Variants in ATRNL1 observed in about 807,000 individuals in gnomAD.
ATRNL1 encodes attractin like 1.
ATRNL1 carries 95 observed loss-of-function variants against 182.7 expected under a neutral mutation model. The observed-to-expected ratio is 0.52, with a 90% confidence interval of 0.44 to 0.62. ATRNL1 has a LOEUF of 0.62. Among genes scored for constraint, ATRNL1 ranks in the 20% least tolerant of loss-of-function variants. The pLI is 0.00. For synonymous variants in ATRNL1, 576 were observed against 568.3 expected (o/e 1.01, Z -0.19); for missense variants, 1,471 against 1,679.5 (o/e 0.88, Z 2.17).
At chr10:115,902,133 C>G (rs544625932) in intron 28 of ATRNL1, among the ~76,000 whole-genome samples, 1 of 152,270 alleles carries the variant, frequency 6.6e-6, no homozygotes, top group South Asian at 2.1e-4. Flanking sequence ...AATGACTTTA[C>G]ACTGTTAATT....
intron 5 of ATRNL1, among the ~76,000 whole-genome samples, chr10:115,158,055 A>G (rs905425189): frequency 3.3e-5 from 5 of 149,972 alleles, no homozygotes; most frequent in Middle Eastern, 3.4e-3. Context: ...TAGAAAAGTT[A>G]TTATACAAGA....
At chr10:115,764,993 T>C (rs1479792967) in intron 27 of ATRNL1, among the ~76,000 whole-genome samples, 6 of 152,186 alleles carry the variant, frequency 3.9e-5, no homozygotes, top group African/African-American at 1.4e-4. Flanking sequence ...TCTTTTTATG[T>C]CCTGATAGCT....
At chr10:115,495,325 A>G (rs1849490577) in intron 24 of ATRNL1, among the ~76,000 whole-genome samples, 1 of 151,590 alleles carries the variant, frequency 6.6e-6, no homozygotes, top group Admixed American at 6.6e-5. Flanking sequence ...CCTTCAGTTG[A>G]GTTCTGATTT....
chr10:115,877,692 A>G (rs1215999036), intron 28 of ATRNL1, among the ~76,000 whole-genome samples: 7 of 152,242 alleles, frequency 4.6e-5, no homozygotes, highest in African/African-American at 1.7e-4. Flanking sequence ...TAGTAAATAT[A>G]AACAGTAAGC....
At chr10:115,655,200 C>T (rs1860256092) in intron 26 of ATRNL1, among the ~76,000 whole-genome samples, 1 of 152,122 alleles carries the variant, frequency 6.6e-6, no homozygotes. Context: ...AGATTCCTGA[C>T]TCACAGTCAT....
At chr10:115,744,211 C>G (rs1555068557) in intron 27 of ATRNL1, among the ~76,000 whole-genome samples, 2 of 151,960 alleles carry the variant, frequency 1.3e-5, no homozygotes, top group Non-Finnish European at 2.9e-5. Context: ...ATGATTATGC[C>G]TATATAAATT....
chr10:115,314,781 C>A (rs1854209424), intron 17 of ATRNL1, among the ~76,000 whole-genome samples: 1 of 152,110 alleles, frequency 6.6e-6, no homozygotes, highest in Non-Finnish European at 1.5e-5. Flanking sequence ...TTTGTTGAGT[C>A]TCATAGGTTA....
At chr10:115,622,890 C>G (rs1201563398) in intron 26 of ATRNL1, among the ~76,000 whole-genome samples, 4 of 151,810 alleles carry the variant, frequency 2.6e-5, no homozygotes, top group African/African-American at 9.7e-5. Context: ...TCGCGCCACT[C>G]CACTCCAGCC....
intron 19 of ATRNL1, among the ~76,000 whole-genome samples, chr10:115,373,800 G>A (rs1408826481): frequency 1.3e-5 from 2 of 151,256 alleles, no homozygotes; most frequent in African/African-American, 4.8e-5. Context: ...TTTCATCTAT[G>A]TTTATTAGAG....
chr10:115,201,929 C>A (rs1848597820), intron 8 of ATRNL1, among the ~76,000 whole-genome samples: 1 of 152,068 alleles, frequency 6.6e-6, no homozygotes, highest in African/African-American at 2.4e-5. Context: ...TGTAGTTCTC[C>A]TTGAAGAGGT....
At chr10:115,873,124 T>C (rs148185484) in intron 28 of ATRNL1, among the ~76,000 whole-genome samples, 6 of 152,356 alleles carry the variant, frequency 3.9e-5, no homozygotes, top group African/African-American at 1.4e-4. Context: ...ATGGCTGGTT[T>C]CAGAAAGATA....
At chr10:115,217,234 A>G (rs1849269161) in intron 9 of ATRNL1, among the ~76,000 whole-genome samples, 1 of 152,106 alleles carries the variant, frequency 6.6e-6, no homozygotes, top group Admixed American at 6.6e-5. Flanking sequence ...GATTACATGC[A>G]CACACCACCA....
At chr10:115,240,668 ATTCTAAC>A (rs1405407451) in intron 9 of ATRNL1, among the ~76,000 whole-genome samples, 5 of 152,084 alleles carry the variant, frequency 3.3e-5, no homozygotes, top group African/African-American at 1.2e-4. Context: ...GTATATAATA[ATTCTAAC>A]TTCTAATTGT....
chr10:115,879,558 T>A (rs1279823848), intron 28 of ATRNL1, among the ~76,000 whole-genome samples: 1 of 151,460 alleles, frequency 6.6e-6, no homozygotes. Flanking sequence ...GTAAAGGGAG[T>A]TGTGAGAAAG....
At position 115,936,641 on chromosome 10, in the gene ATRNL1, C is replaced by T. The variant is rs996672891; in HGVS notation, c.4019-8017C>T. On this transcript the variant is annotated intron_variant, in intron 28 of 28. Coordinates refer to ENST00000355044, the MANE Select transcript of ATRNL1 (RefSeq NM_207303.4). ...TAACCTCACTTAAGGCAGTCAGTGA[C>T]ATTTTTCCACTAGAAATACTGAAAT... Among the ~76,000 whole-genome samples the T allele has an allele frequency of 5.9e-5, 9 of 152,232 alleles. No individual in the cohort carries two copies. The East Asian group carries it at 1.3e-3, about 23-fold the overall frequency.
intron 8 of ATRNL1, among the ~76,000 whole-genome samples, chr10:115,176,525 A>T (rs12248846): frequency 0.026 from 3,897 of 152,136 alleles, 158 homozygotes; most frequent in African/African-American, 0.086. Context: ...TGGATTTTTT[A>T]AAAAAGTAGA....
At chr10:115,434,445 A>G (rs1554964491) in intron 21 of ATRNL1, among the ~76,000 whole-genome samples, 1 of 152,184 alleles carries the variant, frequency 6.6e-6, no homozygotes, top group Non-Finnish European at 1.5e-5. Flanking sequence ...ACTAATTTGT[A>G]TAAGATCACA....
intron 21 of ATRNL1, among the ~76,000 whole-genome samples, chr10:115,446,699 A>T (rs1847015207): frequency 6.6e-6 from 1 of 152,024 alleles, no homozygotes; most frequent in Non-Finnish European, 1.5e-5. Context: ...TGGAATTTGG[A>T]GCCTGAAGTA....
chr10:115,153,478 G>A lies in ATRNL1; in HGVS notation c.830-6562G>A, dbSNP rs1314898235. Among the ~76,000 whole-genome samples, 6 of 152,152 alleles carry A rather than the reference G, an allele frequency of 3.9e-5. No individual in the cohort carries two copies. The East Asian group carries it at 9.6e-4, about 24-fold the overall frequency. Reference sequence around the variant, plus strand: ...TCCAGGAATTTATCCATTTCTTCTAGATTTTCTAGTTTATTTGCGTAGAGA... The same window carrying A: ...TCCAGGAATTTATCCATTTCTTCTAAATTTTCTAGTTTATTTGCGTAGAGA... On this transcript the variant is annotated intron_variant, in intron 5 of 28. Coordinates refer to ENST00000355044, the MANE Select transcript of ATRNL1 (RefSeq NM_207303.4).
Sources: gnomAD v4.1 joint callset for allele counts (sites outside exome capture counted in the v4.1 genomes callset) on GRCh38, gnomAD v4.1.1 for gene constraint, MANE v1.5 for transcripts, NCBI Gene and HGNC (gene_info 2026-07-23, HGNC 2026-07-21) for gene names.